MTOR: variants seen among roughly 807,000 people sequenced by gnomAD.
The protein encoded by MTOR is serine/threonine-protein kinase mTOR.
A neutral mutation model predicts 319.8 loss-of-function variants in MTOR; 70 were observed. The observed-to-expected ratio is 0.22, with a 90% CI of 0.18 to 0.27. The LOEUF (loss-of-function observed/expected upper bound fraction) is 0.27. MTOR is among the 10% of genes least tolerant of loss of function. The pLI is 1.00. For synonymous variants in MTOR, 1,183 were observed against 1,211.4 expected (o/e 0.98, Z 0.49); for missense variants, 1,890 against 3,274.4 (o/e 0.58, Z 10.32).
At chr1:11,147,525 A>G (rs1643974833) in intron 31 of MTOR, among the ~76,000 whole-genome samples, 1 of 152,166 alleles carries the variant, frequency 6.6e-6, no homozygotes, top group Non-Finnish European at 1.5e-5. Context: ...AGGGCTGCCA[A>G]TTTTACAAGG....
chr1:11,239,941 G>A (rs1490295250), intron 11 of MTOR, among the ~76,000 whole-genome samples: 1 of 151,208 alleles, frequency 6.6e-6, no homozygotes, highest in Non-Finnish European at 1.5e-5. Flanking sequence ...AAATCATACT[G>A]CCATAGACAT....
intron 6 of MTOR, among the ~76,000 whole-genome samples, chr1:11,253,548 C>T (rs1054899798): frequency 2.0e-5 from 3 of 152,090 alleles, no homozygotes; most frequent in Admixed American, 6.6e-5. Flanking sequence ...GAACACAGTC[C>T]CCCGGCCTGC....
At chr1:11,124,392 A>C in intron 47 of MTOR, 106 bp downstream of exon 47, 1 of 1,418,364 alleles carries the variant, frequency 7.1e-7, no homozygotes, top group Non-Finnish European at 9.6e-7. Context: ...CTGGCTCCCT[A>C]ATTTTATAGT....
Position 11,168,330 on chromosome 1 carries a change from C to G in MTOR, c.4254-813G>C, listed in dbSNP as rs1644712911. On this transcript the variant is annotated intron_variant, in intron 28 of 57. Transcript: ENST00000361445. ...AGTAGCTGGGATTACAGGTACACACCACAGCACCTGGCTCCTCTGAACTTC... is the reference window on the plus strand; with the variant it reads ...AGTAGCTGGGATTACAGGTACACACGACAGCACCTGGCTCCTCTGAACTTC... Among the ~76,000 whole-genome samples the G allele has an allele frequency of 2.0e-5, 3 of 152,118 alleles. No individual in the cohort carries two copies. The South Asian group carries it at 6.2e-4, about 32-fold the overall frequency.
intron 28 of MTOR, chr1:11,193,520 C>T (rs566465776): frequency 1.3e-6 from 2 of 1,482,872 alleles, no homozygotes; most frequent in African/African-American, 2.8e-5. Flanking sequence ...GGAAGCCTGC[C>T]CTCTTGCTCC....
intron 32 of MTOR, among the ~76,000 whole-genome samples, chr1:11,145,702 C>T (rs1287364599): frequency 6.6e-6 from 1 of 152,188 alleles, no homozygotes. Flanking sequence ...TAGGGTTTCA[C>T]CATGTTGGGC....
At chr1:11,256,686 CCCCCTCCTCACAGTACT>C (rs1650441322) in intron 4 of MTOR, among the ~76,000 whole-genome samples, 1 of 152,110 alleles carries the variant, frequency 6.6e-6, no homozygotes, top group Non-Finnish European at 1.5e-5. Context: ...TGGTACCGTG[CCCCCTCCTCACAGTACT>C]GCCTCCTCCG....
intron 28 of MTOR, among the ~76,000 whole-genome samples, chr1:11,181,504 G>A (rs1023564241): frequency 6.6e-6 from 1 of 151,942 alleles, no homozygotes; most frequent in African/African-American, 2.4e-5. Flanking sequence ...AAGCCTGGGC[G>A]ACAGAGCCAG....
chr1:11,236,276 A>G (rs531522472), intron 13 of MTOR, among the ~76,000 whole-genome samples: 1 of 151,508 alleles, frequency 6.6e-6, no homozygotes, highest in East Asian at 2.0e-4. Flanking sequence ...AGCTAGGACT[A>G]CAGGTATGCA....
At chr1:11,219,213 CAA>C (rs769135094) in intron 19 of MTOR, among the ~76,000 whole-genome samples, 13 of 116,498 alleles carry the variant, frequency 1.1e-4, no homozygotes, top group Admixed American at 1.8e-4. Context: ...GACCCTGTTT[CAA>C]AAAAAAAAAA....
intron 12 of MTOR, 83 bp from the exon 13 acceptor site, chr1:11,238,131 A>ATG: frequency 7.5e-7 from 1 of 1,334,622 alleles, no homozygotes; most frequent in Non-Finnish European, 1.1e-6. Flanking sequence ...CACTGCCATC[A>ATG]GCGTAGTGGG....
intron 28 of MTOR, among the ~76,000 whole-genome samples, chr1:11,175,624 T>C (rs1571072992): frequency 6.6e-6 from 1 of 152,206 alleles, no homozygotes; most frequent in Non-Finnish European, 1.5e-5. Flanking sequence ...CAGCGGGTGG[T>C]TCAGCTGTGC....
rs1647088702 is a variant in MTOR at position 11,233,395 on chromosome 1, T to C, written c.2421+3A>G. On this transcript the variant is annotated splice_donor_region_variant and intron_variant, in intron 15 of 57. Transcript: ENST00000361445. The stretch of plus-strand genomic sequence containing the variant: ...GCTATGGAAAAAGTAGCTGCCCCTT[T>C]ACCTGTGCCAATTCTCCTATTGTTG... 1 of 1,613,834 alleles carries C rather than the reference T, an allele frequency of 6.2e-7. No homozygotes were observed. The highest frequency in any genetic ancestry group is 8.5e-7 in the Non-Finnish European group (1 of 1,179,740).
chr1:11,229,453 G>C (rs1023963715), intron 18 of MTOR, among the ~76,000 whole-genome samples: 3 of 152,124 alleles, frequency 2.0e-5, no homozygotes, highest in African/African-American at 7.2e-5. Context: ...GCAGCGAGGA[G>C]GGTAAGAACT....
In MTOR at chr1:11,253,987, C is replaced by A. The variant is rs1650036478; in HGVS notation, c.706-14G>T. The A allele has an allele frequency of 1.2e-6, 2 of 1,614,024 alleles. No homozygotes were observed. The highest frequency in any genetic ancestry group is 2.7e-5 in the African/African-American group (2 of 74,894). ...TTCAAATGTGTGCTATGTAGAGAGACAGGGTGCCTTCATTAGAGACAGAGT... is the reference window on the plus strand; with the variant it reads ...TTCAAATGTGTGCTATGTAGAGAGAAAGGGTGCCTTCATTAGAGACAGAGT... On this transcript the variant is annotated splice_polypyrimidine_tract_variant and intron_variant, in intron 5 of 57. Transcript: ENST00000361445.
At chr1:11,141,016 T>C (rs1329658763) in intron 34 of MTOR, among the ~76,000 whole-genome samples, 1 of 147,946 alleles carries the variant, frequency 6.8e-6, no homozygotes, top group East Asian at 2.0e-4. Flanking sequence ...TGAGATGCCA[T>C]GTATGTTGGC....
chr1:11,231,327 A>C lies in MTOR; in HGVS notation c.2622T>G (p.Thr874=), dbSNP rs779203727. Residue 874 remains threonine, a synonymous_variant, in exon 17 of 58, where the codon ACT becomes ACG. Coordinates refer to ENST00000361445, the MANE Select transcript of MTOR (RefSeq NM_004958.4). Reference sequence around the variant, plus strand: ...CTCTGCGTGTACCCTGGTTCTGCTCAGTCTTCAGAAAATTCAGTAGCACCT... The same window carrying C: ...CTCTGCGTGTACCCTGGTTCTGCTCCGTCTTCAGAAAATTCAGTAGCACCT... ...LLEVLLNFLK[T]EQNQGTRREA... is the part of the protein sequence containing the mutation. 6.2e-7 allele frequency: 1 copy of C among 1,614,136 alleles called. No homozygotes were observed. The highest frequency in any genetic ancestry group is 1.1e-5 in the South Asian group (1 of 91,082).
At chr1:11,260,655 C>T (rs1188694649) in intron 1 of MTOR, among the ~76,000 whole-genome samples, 3 of 151,310 alleles carry the variant, frequency 2.0e-5, no homozygotes, top group Admixed American at 2.0e-4. Flanking sequence ...TTACCTAAAC[C>T]AATATATCCA....
At chr1:11,140,544 C>T (rs1438244224) in intron 34 of MTOR, among the ~76,000 whole-genome samples, 2 of 152,162 alleles carry the variant, frequency 1.3e-5, no homozygotes, top group Non-Finnish European at 2.9e-5. Context: ...TCTGGGGACC[C>T]CTGCCCTTAG....
Sources: allele counts gnomAD v4.1 joint callset (sites outside exome capture counted in the v4.1 genomes callset), GRCh38; gene constraint gnomAD v4.1.1; transcripts MANE v1.5; gene names NCBI Gene and HGNC (gene_info 2026-07-23, HGNC 2026-07-21).